Variants in RNF214 observed in about 807,000 individuals in gnomAD.
The protein encoded by RNF214 is ring finger protein 214.
In RNF214, 25 loss-of-function variants were observed where a neutral mutation model predicts 75.9. The ratio of observed to expected loss-of-function variants is 0.33; its 90% CI spans 0.24 to 0.46. The LOEUF (loss-of-function observed/expected upper bound fraction) is 0.46, where lower values mean the gene tolerates loss of function less well. Ranked by LOEUF, RNF214 falls within the 20% of genes least tolerant of loss-of-function variation. The pLI is 1.00. For synonymous variants in RNF214, 314 were observed against 308.8 expected (o/e 1.02, Z -0.18); for missense variants, 725 against 857.5 (o/e 0.85, Z 1.93).
chr11:117,260,891 T>C (rs1485284146), intron 6 of RNF214, among the ~76,000 whole-genome samples: 1 of 148,540 alleles, frequency 6.7e-6, no homozygotes, highest in African/African-American at 2.5e-5. Context: ...CGACCTCAGA[T>C]GATCCGCCCG....
At chr11:117,244,776 C>T (rs1489939242) in intron 5 of RNF214, among the ~76,000 whole-genome samples, 191 bp downstream of exon 5, 2 of 151,790 alleles carry the variant, frequency 1.3e-5, no homozygotes, top group Non-Finnish European at 2.9e-5. Context: ...AGTGATCTTC[C>T]CACCTCAGCC....
intron 6 of RNF214, among the ~76,000 whole-genome samples, chr11:117,265,380 G>A (rs983125494): frequency 6.6e-6 from 1 of 152,036 alleles, no homozygotes; most frequent in Admixed American, 6.6e-5. Context: ...AGTCATAATT[G>A]TAGAAACTTA....
At chr11:117,278,987 C>T (rs1380382981) in intron 6 of RNF214, among the ~76,000 whole-genome samples, 1 of 152,104 alleles carries the variant, frequency 6.6e-6, no homozygotes, top group South Asian at 2.1e-4. Context: ...GTCCCAGCAA[C>T]TTGGGAGGCT....
intron 6 of RNF214, among the ~76,000 whole-genome samples, chr11:117,268,114 AC>A (rs2033835297): frequency 6.6e-6 from 1 of 152,212 alleles, no homozygotes; most frequent in African/African-American, 2.4e-5. Context: ...ACTTGACAGC[AC>A]CATTTGTCAC....
At chr11:117,254,108 G>A (rs546096148) in intron 6 of RNF214, among the ~76,000 whole-genome samples, 65 of 152,214 alleles carry the variant, frequency 4.3e-4, no homozygotes, top group African/African-American at 1.5e-3. Context: ...AATTAGCCAG[G>A]TGTGGTAGTG....
chr11:117,245,326 G>C (rs1031969319), intron 5 of RNF214, among the ~76,000 whole-genome samples: 6 of 149,256 alleles, frequency 4.0e-5, no homozygotes, highest in Admixed American at 4.0e-4. Context: ...CTCAAAAAAA[G>C]TATTAATACT....
chr11:117,261,968 G>A (rs1015015495), intron 6 of RNF214, among the ~76,000 whole-genome samples: 2 of 151,164 alleles, frequency 1.3e-5, no homozygotes, highest in South Asian at 2.1e-4. Context: ...TTTTTCAAAT[G>A]TTAAACCAAC....
At chr11:117,284,408 A>G (rs560463521) in intron 14 of RNF214, among the ~76,000 whole-genome samples, 1 of 152,290 alleles carries the variant, frequency 6.6e-6, no homozygotes, top group South Asian at 2.1e-4. Flanking sequence ...CTGAATTTAC[A>G]TCTAAATTCT....
At chr11:117,248,221 G>A (rs1351910307) in intron 6 of RNF214, among the ~76,000 whole-genome samples, 3 of 152,022 alleles carry the variant, frequency 2.0e-5, no homozygotes, top group Admixed American at 6.6e-5. Context: ...GACTACAGGC[G>A]CCCGCCACCA....
chr11:117,263,340 G>A (rs1189432618), intron 6 of RNF214, among the ~76,000 whole-genome samples: 5 of 149,808 alleles, frequency 3.3e-5, no homozygotes, highest in Non-Finnish European at 5.9e-5. Context: ...CAGTGGTGCA[G>A]TCTCGGCTCA....
chr11:117,237,500 A>T (rs1022576674), intron 2 of RNF214, among the ~76,000 whole-genome samples: 17 of 152,278 alleles, frequency 1.1e-4, no homozygotes, highest in Admixed American at 9.2e-4. Flanking sequence ...GAATTAGTTT[A>T]AAAAAAGAGG....
chr11:117,278,594 C>G (rs1361567418), intron 6 of RNF214, among the ~76,000 whole-genome samples: 9 of 152,046 alleles, frequency 5.9e-5, no homozygotes, highest in Admixed American at 5.9e-4. Context: ...CTGGGCAAAC[C>G]AGGAGAGTTG....
At chr11:117,236,689 ATAT>A (rs1169690751) in intron 2 of RNF214, among the ~76,000 whole-genome samples, 1 of 152,236 alleles carries the variant, frequency 6.6e-6, no homozygotes, top group African/African-American at 2.4e-5. Flanking sequence ...GGTAGTGATA[ATAT>A]TATTCGCATT....
chr11:117,256,135 C>A (rs1034193232), intron 6 of RNF214, among the ~76,000 whole-genome samples: 2 of 152,178 alleles, frequency 1.3e-5, no homozygotes, highest in African/African-American at 4.8e-5. Flanking sequence ...TCCCTCCCTC[C>A]CCTTTACACA....
At chr11:117,268,408 T>C (rs1482567768) in intron 6 of RNF214, among the ~76,000 whole-genome samples, 1 of 152,194 alleles carries the variant, frequency 6.6e-6, no homozygotes, top group Admixed American at 6.6e-5. Context: ...GATTTACGTA[T>C]ATTTGAAAAG....
chr11:117,238,428 A>T (rs1417515776), intron 2 of RNF214, among the ~76,000 whole-genome samples, 173 bp from the exon 3 acceptor site: 2 of 152,142 alleles, frequency 1.3e-5, no homozygotes, highest in African/African-American at 4.8e-5. Context: ...AAAACAAAAA[A>T]CTAGGTCTTA....
chr11:117,272,024 G>T (rs1231809059), intron 6 of RNF214, among the ~76,000 whole-genome samples: 1 of 152,068 alleles, frequency 6.6e-6, no homozygotes, highest in Non-Finnish European at 1.5e-5. Context: ...ATGTTGCCCA[G>T]GCTAGTCTTG....
chr11:117,265,963 T>C (rs1214446341), intron 6 of RNF214, among the ~76,000 whole-genome samples: 3 of 152,238 alleles, frequency 2.0e-5, no homozygotes, highest in African/African-American at 7.2e-5. Context: ...ATTACACTTA[T>C]CTTTTCTAAA....
In RNF214 at chr11:117,285,072, T is replaced by G. The variant is rs1408840925; in HGVS notation, c.2047-14T>G. On this transcript the variant is annotated splice_polypyrimidine_tract_variant and intron_variant, in intron 14 of 14. Transcript: ENST00000300650. Reference sequence around the variant, plus strand: ...TTCCAGATAAACCTGAGGTGTGTCTTTCTTTCTTTCCAGTGTATCAAATTC... The same window carrying G: ...TTCCAGATAAACCTGAGGTGTGTCTGTCTTTCTTTCCAGTGTATCAAATTC... 5 of 1,592,056 alleles carry G rather than the reference T, an allele frequency of 3.1e-6. No individual in the cohort carries two copies. Among genetic ancestry groups the G allele is most frequent in the East Asian group, 2.2e-5 (1 of 44,704 alleles).
Sources: gnomAD v4.1 joint callset for allele counts (sites outside exome capture counted in the v4.1 genomes callset) on GRCh38, gnomAD v4.1.1 for gene constraint, MANE v1.5 for transcripts, NCBI Gene and HGNC (gene_info 2026-07-23, HGNC 2026-07-21) for gene names.